Variants in PHRF1 observed in about 807,000 individuals in gnomAD.
The protein encoded by PHRF1 is PHD and ring finger domains 1, also known as PHD and RING finger domain-containing protein 1.
Under a neutral mutation model 128.9 loss-of-function variants are expected in PHRF1, and 53 were observed. That is an observed-to-expected ratio of 0.41 (90% CI 0.33 to 0.52). The LOEUF (loss-of-function observed/expected upper bound fraction) is 0.52. Among genes scored for constraint, PHRF1 ranks in the 20% least tolerant of loss-of-function variants. PHRF1 has a pLI of 0.21. For synonymous variants in PHRF1, 1,178 were observed against 980.6 expected (o/e 1.20, Z -3.76); for missense variants, 2,503 against 2,284.5 (o/e 1.10, Z -1.95).
At position 605,659 on chromosome 11, in the gene PHRF1, T is replaced by C. The variant is rs766305829; in HGVS notation, c.1389T>C (p.Ala463=). ...PLSPLSAKRR[A]LSRSALQSHQ... ...CCCCTCTGAGTGCCAAGAGACGGGC[T>C]CTGTCCCGGTCAGCCCTGCAGTCCC... Residue 463 remains alanine, a synonymous_variant, in exon 12 of 18, where the codon GCT becomes GCC. Transcript: ENST00000264555. 3.7e-6 allele frequency: 6 copies of C among 1,613,610 alleles called. No individual in the cohort carries two copies. In the Admixed American group the frequency reaches 1.0e-4, roughly 27 times the overall value.
intron 9 of PHRF1, among the ~76,000 whole-genome samples, chr11:601,295 G>T (rs1480381762): frequency 6.6e-6 from 1 of 152,058 alleles, no homozygotes; most frequent in Non-Finnish European, 1.5e-5. Flanking sequence ...TGGGCACGGT[G>T]GTGCCTACCT....
Position 581,677 on chromosome 11 carries a change from C to A in PHRF1, c.94+71C>A, listed in dbSNP as rs535233289. On this transcript the variant is annotated intron_variant, in intron 2 of 17. Transcript: ENST00000264555. Reference sequence around the variant, plus strand: ...GTGCCTGGTGTTTCCCTTTGGAGGTCGTCTGTGTGTGTCACTTGTCAACTT... The same window carrying A: ...GTGCCTGGTGTTTCCCTTTGGAGGTAGTCTGTGTGTGTCACTTGTCAACTT... The A allele has an allele frequency of 4.7e-4, 658 of 1,388,604 alleles. 15 individuals are homozygous for A. The Middle Eastern group carries it at 0.025, about 54-fold the overall frequency. 86.0% of individuals were successfully genotyped at this position (1,388,604 alleles called of 1,614,324 possible). A position where few individuals can be genotyped will look rare whatever the true frequency, so the allele number is the denominator to read the frequency against.
At chr11:592,531 G>A in intron 5 of PHRF1, 28 bp from the exon 6 acceptor site, 1 of 1,604,678 alleles carries the variant, frequency 6.2e-7, no homozygotes, top group Non-Finnish European at 8.5e-7. Flanking sequence ...TGGGTCCTGT[G>A]TGGTGGTGAC....
chr11:590,531 T>A (rs1262454555), intron 4 of PHRF1, among the ~76,000 whole-genome samples: 7 of 152,198 alleles, frequency 4.6e-5, no homozygotes, highest in Non-Finnish European at 1.0e-4. Flanking sequence ...GGGTGGGTAC[T>A]CCACAGGTTG....
At chr11:602,323 A>G (rs1589890334) in intron 10 of PHRF1, among the ~76,000 whole-genome samples, 1 of 152,194 alleles carries the variant, frequency 6.6e-6, no homozygotes, top group African/African-American at 2.4e-5. Context: ...TGATGCTCAA[A>G]CCGGGACTAA....
intron 9 of PHRF1, among the ~76,000 whole-genome samples, chr11:601,161 T>G (rs974184048): frequency 9.9e-5 from 15 of 151,570 alleles, no homozygotes; most frequent in Non-Finnish European, 5.9e-5. Context: ...AGAAAAAAAT[T>G]TGGGCAGGCG....
chr11:589,127 A>G (rs1462481916), intron 4 of PHRF1, among the ~76,000 whole-genome samples: 1 of 151,584 alleles, frequency 6.6e-6, no homozygotes, highest in Non-Finnish European at 1.5e-5. Context: ...AGAGCAAGAC[A>G]CTGTCTCAAA....
At chr11:578,988 C>T (rs946192093) in intron 1 of PHRF1, among the ~76,000 whole-genome samples, 8 of 151,952 alleles carry the variant, frequency 5.3e-5, no homozygotes, top group South Asian at 4.1e-4. Context: ...TACAGGTGCA[C>T]GCCGCCATGC....
intron 4 of PHRF1, among the ~76,000 whole-genome samples, chr11:590,287 G>T (rs750735155): frequency 2.6e-4 from 40 of 152,352 alleles, no homozygotes; most frequent in Non-Finnish European, 4.6e-4. Context: ...TTACCCAAGA[G>T]AAACAGGAGT....
At chr11:578,336 T>C (rs1345105745) in intron 1 of PHRF1, among the ~76,000 whole-genome samples, 1 of 152,224 alleles carries the variant, frequency 6.6e-6, no homozygotes, top group Non-Finnish European at 1.5e-5. Flanking sequence ...TGAACGTTCC[T>C]GCTGCTGTGG....
In PHRF1 at chr11:608,055, A is replaced by C. The variant is rs781396514; in HGVS notation, c.2599A>C (p.Ser867Arg). 2 of 1,611,524 alleles carry C rather than the reference A, an allele frequency of 1.2e-6. No individual in the cohort carries two copies. Among genetic ancestry groups the C allele is most frequent in the Non-Finnish European group, 1.7e-6 (2 of 1,179,850 alleles). ...SEITRTISIN[S>R]PKAQTVQAVR... ...GATCACACGAACCATCTCCATCAAC[A>C]GCCCGAAGGCCCAGACGGTGCAGGC... The change falls in exon 14 of 18, where the codon AGC becomes CGC. Residue 867 changes from serine (S) to arginine (R), a missense_variant. Coordinates refer to ENST00000264555, the MANE Select transcript of PHRF1 (RefSeq NM_001286581.2).
intron 6 of PHRF1, among the ~76,000 whole-genome samples, chr11:596,340 T>C (rs1855275912): frequency 6.6e-6 from 1 of 152,180 alleles, no homozygotes; most frequent in Admixed American, 6.5e-5. Context: ...TAAAACATAG[T>C]TTCCTTTCAG....
chr11:593,711 C>T (rs1343626867), intron 6 of PHRF1, among the ~76,000 whole-genome samples: 3 of 152,230 alleles, frequency 2.0e-5, no homozygotes, highest in African/African-American at 7.2e-5. Flanking sequence ...CTCCTCATGG[C>T]CTGTGGGAGT....
intron 3 of PHRF1, among the ~76,000 whole-genome samples, chr11:583,223 C>T (rs188141213): frequency 0.01 from 1,576 of 152,090 alleles, 12 homozygotes; most frequent in Middle Eastern, 0.017. Flanking sequence ...CCTGTAATCC[C>T]AGCTACTTGG....
Position 587,464 on chromosome 11 carries a change from G to A in PHRF1, c.420G>A (p.Lys140=), listed in dbSNP as rs1320574873. The A allele has an allele frequency of 6.2e-7, 1 of 1,612,838 alleles. No homozygotes were observed. Among genetic ancestry groups the A allele is most frequent in the African/African-American group, 1.3e-5 (1 of 74,902 alleles). Residue 140 remains lysine (K), a splice_region_variant and synonymous_variant, in exon 4 of 18, where the codon AAG becomes AAA. Coordinates refer to ENST00000264555, the MANE Select transcript of PHRF1 (RefSeq NM_001286581.2). Reference sequence around the variant, plus strand: ...TGGACTGCATTGTCGAATGGTCCAAGGTGAGTTCACCTCTGGTTGGGTGCT... The same window carrying A: ...TGGACTGCATTGTCGAATGGTCCAAAGTGAGTTCACCTCTGGTTGGGTGCT... The part of the protein sequence containing the change: ...FCLDCIVEWS[K]NANSCPVDRT...
chr11:603,162 C>T (rs1434902008), intron 10 of PHRF1, among the ~76,000 whole-genome samples: 5 of 152,056 alleles, frequency 3.3e-5, no homozygotes, highest in African/African-American at 1.2e-4. Context: ...CCCAGGTGAT[C>T]CTCCCACCTC....
rs1354297517 is a variant in PHRF1 at position 609,316 on chromosome 11, G to A, written c.3860G>A (p.Ser1287Asn). The change falls in exon 14 of 18, where the codon AGC (serine) becomes AAC (asparagine). Residue 1287 changes from serine to asparagine, a missense_variant. Coordinates refer to ENST00000264555, the MANE Select transcript of PHRF1 (RefSeq NM_001286581.2). The stretch of plus-strand genomic sequence containing the variant: ...GTTTTCATCCAGCTCGATGACATGA[G>A]CTCGCCACCTTCTCCCGAAAGCACA... ...DAVFIQLDDM[S>N]SPPSPESTDS... 1.9e-6 allele frequency: 3 copies of A among 1,612,364 alleles called. No homozygotes were observed. Among genetic ancestry groups the A allele is most frequent in the African/African-American group, 2.7e-5 (2 of 74,928 alleles).
chr11:597,163 G>A lies in PHRF1; in HGVS notation c.718+143G>A. 2 of 989,562 alleles carry A rather than the reference G, an allele frequency of 2.0e-6. No homozygotes were observed. The highest frequency in any genetic ancestry group is 1.6e-5 in the South Asian group (1 of 63,506). The allele number at this position is 989,562 out of a possible 1,614,324, so 61.3% of individuals were successfully genotyped here. A position where few individuals can be genotyped will look rare whatever the true frequency, so the allele number is the denominator to read the frequency against. On this transcript the variant is annotated intron_variant, in intron 7 of 17. Coordinates refer to ENST00000264555, the MANE Select transcript of PHRF1 (RefSeq NM_001286581.2). This position sits in a 1 kb window ranked among gnomAD's most constrained non-coding sequence, Gnocchi z 6.5. The stretch of plus-strand genomic sequence containing the variant: ...GTTAGGGTTGGCTGCGGTGTCGGGA[G>A]GACATCTAGGGCTGTCTCGGGCTCG...
chr11:585,885 G>A (rs535149525), intron 3 of PHRF1, among the ~76,000 whole-genome samples: 10 of 148,474 alleles, frequency 6.7e-5, no homozygotes, highest in Non-Finnish European at 1.2e-4. Context: ...TTTTTGAGAC[G>A]GAGTCTTGCT....
Sources: gnomAD v4.1 joint callset for allele counts (sites outside exome capture counted in the v4.1 genomes callset) on GRCh38, gnomAD v4.1.1 for gene constraint, Gnocchi (gnomAD v3.1) non-coding constraint, MANE v1.5 for transcripts, NCBI Gene and HGNC (gene_info 2026-07-23, HGNC 2026-07-21) for gene names.